The following RIN3 variants were observed in gnomAD, a reference collection of about 807,000 sequenced individuals.
RIN3 encodes the protein RAB5 interacting protein 3.
A neutral mutation model predicts 76.3 loss-of-function variants in RIN3; 54 were observed. The ratio of observed to expected loss-of-function variants is 0.71; its 90% CI spans 0.57 to 0.89. The LOEUF is 0.89. RIN3 is among the 40% of genes least tolerant of loss of function. The probability of loss-of-function intolerance (pLI) is 0.00; values close to 1 mark genes in which losing one functional copy is unlikely to be tolerated. For synonymous variants in RIN3, 576 were observed against 564.0 expected (o/e 1.02, Z -0.30); for missense variants, 1,256 against 1,322.1 (o/e 0.95, Z 0.78).
intron 4 of RIN3, among the ~76,000 whole-genome samples, chr14:92,619,663 G>A (rs571517771): frequency 4.6e-5 from 7 of 152,090 alleles, no homozygotes; most frequent in East Asian, 1.9e-4. Context: ...TCCTGACCTC[G>A]TGATCTGCCC....
At chr14:92,642,435 C>T (rs991332193) in intron 5 of RIN3, among the ~76,000 whole-genome samples, 2 of 152,164 alleles carry the variant, frequency 1.3e-5, no homozygotes, top group African/African-American at 4.8e-5. Flanking sequence ...GTGTTTCACG[C>T]AGCTGCTCAG....
chr14:92,526,037 G>T (rs369825234), intron 1 of RIN3, among the ~76,000 whole-genome samples: 5 of 152,316 alleles, frequency 3.3e-5, no homozygotes, highest in Admixed American at 2.6e-4. Flanking sequence ...GCTGCTGCAG[G>T]CTCCGTGTGC....
chr14:92,515,065 G>C (rs574783437), intron 1 of RIN3: 2 of 570,020 alleles, frequency 3.5e-6, no homozygotes, highest in East Asian at 6.0e-5. Context: ...ACAGCTGGAG[G>C]TGACTGGCTC....
At chr14:92,518,996 C>G (rs960001412) in intron 1 of RIN3, among the ~76,000 whole-genome samples, 1 of 152,144 alleles carries the variant, frequency 6.6e-6, no homozygotes, top group African/African-American at 2.4e-5. Context: ...GGAAGCTGCT[C>G]CCTTCCCTCT....
In RIN3 at chr14:92,561,936, TC is replaced by T. The variant is rs1385155732; in HGVS notation, c.249+5982del. The stretch of plus-strand genomic sequence containing the variant: ...CCTGGGCTCAAGCAATCCTCCCACC[TC>T]GGCCTCCCATACCACTGGGATTACA... On this transcript the variant is annotated intron_variant, in intron 2 of 9. Coordinates refer to ENST00000216487, the MANE Select transcript of RIN3 (RefSeq NM_024832.5). 4.6e-5 allele frequency among the ~76,000 whole-genome samples: 7 copies of T among 152,304 alleles called. No homozygotes were observed. The South Asian group carries it at 1.0e-3, about 23-fold the overall frequency.
intron 2 of RIN3, chr14:92,576,272 C>G: frequency 1.6e-6 from 2 of 1,288,908 alleles, no homozygotes; most frequent in Non-Finnish European, 2.0e-6. Context: ...GCAGCAGAAT[C>G]CCGCTCCCCA....
intron 3 of RIN3, among the ~76,000 whole-genome samples, chr14:92,607,841 G>A (rs1028543932): frequency 7.2e-5 from 11 of 152,192 alleles, no homozygotes; most frequent in African/African-American, 2.7e-4. Flanking sequence ...TTACTCAGCA[G>A]TAAAAGGCAA....
rs538290560 is a variant in RIN3 at position 92,646,655 on chromosome 14, G to A, written c.533-4927G>A. 1.7e-3 allele frequency among the ~76,000 whole-genome samples: 255 copies of A among 152,194 alleles called. 1 individual carries two copies. The highest frequency in any genetic ancestry group is 6.8e-3 in the Middle Eastern group (2 of 294). On this transcript the variant is annotated intron_variant, in intron 5 of 9. Coordinates refer to ENST00000216487, the MANE Select transcript of RIN3 (RefSeq NM_024832.5). ...GAGTTTCACCATGTTGACCAGGCTGGTCTTGAACTCCTGACCTCAGGTGAT... is the reference window on the plus strand; with the variant it reads ...GAGTTTCACCATGTTGACCAGGCTGATCTTGAACTCCTGACCTCAGGTGAT...
intron 4 of RIN3, among the ~76,000 whole-genome samples, chr14:92,636,109 TG>T (rs1205956590): frequency 1.3e-5 from 2 of 152,158 alleles, no homozygotes; most frequent in Non-Finnish European, 2.9e-5. Context: ...GTACCTGCTT[TG>T]TGGAGCTGGT....
At chr14:92,556,617 C>CAGAT (rs10522743) in intron 2 of RIN3, among the ~76,000 whole-genome samples, 128,237 of 151,822 alleles carry the variant, frequency 0.84, 54,336 homozygotes, top group East Asian at 1. Flanking sequence ...GACATACAGA[C>CAGAT]AGACAACAGA....
chr14:92,659,864 G>A (rs927100720), intron 7 of RIN3, among the ~76,000 whole-genome samples: 3 of 152,224 alleles, frequency 2.0e-5, no homozygotes, highest in African/African-American at 7.2e-5. Context: ...GCATGGCTGT[G>A]CTCCCTCTAA....
intron 3 of RIN3, among the ~76,000 whole-genome samples, chr14:92,588,214 C>CTTTTTTT (rs141155255): frequency 1.5e-4 from 9 of 58,828 alleles, no homozygotes; most frequent in African/African-American, 2.1e-4. Context: ...CCATAGCACT[C>CTTTTTTT]TTTTTTTTTT....
intron 1 of RIN3, chr14:92,515,229 G>A (rs1396171028): frequency 7.9e-5 from 55 of 700,086 alleles, no homozygotes; most frequent in Non-Finnish European, 1.4e-4. Context: ...AATACCATCC[G>A]GTGGGAAGAA....
Position 92,659,420 on chromosome 14 carries a change from G to T in RIN3, c.2286G>T (p.Leu762=), listed in dbSNP as rs148494664. 30 of 1,612,990 alleles carry T rather than the reference G, an allele frequency of 1.9e-5. No individual in the cohort carries two copies. The African/African-American group carries it at 3.1e-4, about 16-fold the overall frequency. The change falls in exon 7 of 10, where the codon CTG becomes CTT. Residue 762 remains leucine, a synonymous_variant. Transcript: ENST00000216487. ...CACCTGAGAAGAAGATCTCCATCCTGCTCAAGACCTGCAAACTCATCTACG... is the reference window on the plus strand; with the variant it reads ...CACCTGAGAAGAAGATCTCCATCCTTCTCAAGACCTGCAAACTCATCTACG... ...AYSPEKKISI[L]LKTCKLIYDS... is the part of the protein sequence containing the mutation.
chr14:92,659,460 G>A lies in RIN3; in HGVS notation c.2326G>A (p.Gly776Ser), dbSNP rs777279163. The A allele has an allele frequency of 6.3e-5, 101 of 1,602,286 alleles. No homozygotes were observed. Among genetic ancestry groups the A allele is most frequent in the Admixed American group, 1.2e-4 (7 of 58,810 alleles). ...ACTCATCTACGACTCCATGGCCCTC[G>A]GCAACCCAGGTCAGTGGGCAGCCGG... ...CKLIYDSMALGNPGKPYGADD... is the reference protein window; with the variant it reads ...CKLIYDSMALSNPGKPYGADD... The change falls in exon 7 of 10, where the codon GGC becomes AGC. Residue 776 changes from glycine to serine, a missense_variant. Gly to Ser is a moderately conservative substitution (Grantham distance 56). This residue lies in a region of RIN3 where 428 missense variants were observed against 521.2 expected (regional missense o/e 0.82). Transcript: ENST00000216487.
chr14:92,663,867 G>A (rs1042608276), intron 7 of RIN3, among the ~76,000 whole-genome samples: 11 of 152,198 alleles, frequency 7.2e-5, no homozygotes, highest in African/African-American at 2.4e-4. Flanking sequence ...GTCATGTTGC[G>A]ATGCAGGGGC....
chr14:92,618,222 C>G (rs1465901186), intron 4 of RIN3, among the ~76,000 whole-genome samples: 1 of 152,154 alleles, frequency 6.6e-6, no homozygotes, highest in African/African-American at 2.4e-5. Flanking sequence ...AAAACAGACC[C>G]CTTTTCCACT....
intron 1 of RIN3, among the ~76,000 whole-genome samples, chr14:92,555,409 C>T (rs1322522610): frequency 6.6e-6 from 1 of 152,210 alleles, no homozygotes; most frequent in Admixed American, 6.5e-5. Flanking sequence ...GAAATGGGCA[C>T]TGCCTACTGT....
chr14:92,629,473 G>C (rs907409037), intron 4 of RIN3, among the ~76,000 whole-genome samples: 2 of 152,218 alleles, frequency 1.3e-5, no homozygotes, highest in Non-Finnish European at 2.9e-5. Context: ...GATTCCATTG[G>C]TTACTTGGGG....
Sources: allele counts gnomAD v4.1 joint callset (sites outside exome capture counted in the v4.1 genomes callset), GRCh38; gene constraint gnomAD v4.1.1; regional missense constraint gnomAD v4.1.1; transcripts MANE v1.5; gene names NCBI Gene and HGNC (gene_info 2026-07-23, HGNC 2026-07-21).